SLC2A9: variants seen among roughly 807,000 people sequenced by gnomAD.
SLC2A9 encodes solute carrier family 2 member 9.
SLC2A9 carries 39 observed loss-of-function variants against 50.6 expected under a neutral mutation model. That is an observed-to-expected ratio of 0.77 (90% CI 0.60 to 1.01). The LOEUF (loss-of-function observed/expected upper bound fraction) is 1.01, where lower values mean the gene tolerates loss of function less well. Among genes scored for constraint, SLC2A9 ranks in the 50% least tolerant of loss-of-function variants. The pLI is 0.00. For synonymous variants in SLC2A9, 324 were observed against 276.9 expected, an observed-to-expected ratio of 1.17 and a Z score of -1.69; for missense variants, 686 against 677.6, an observed-to-expected ratio of 1.01 and a Z score of -0.14.
At position 9,986,023 on chromosome 4, in the gene SLC2A9, T is replaced by C. The variant is rs1203909360; in HGVS notation, c.411-230A>G. ...TCAGCCTTGACATCTATGAATTCTC[T>C]GTGGTAGTATTTTATTGCTTTAATT... On this transcript the variant is annotated intron_variant, in intron 3 of 11. Coordinates refer to ENST00000264784, the MANE Select transcript of SLC2A9 (RefSeq NM_020041.3). Among the ~76,000 whole-genome samples, 3 of 152,232 alleles carry C rather than the reference T, an allele frequency of 2.0e-5. No homozygotes were observed. The East Asian group carries it at 5.8e-4, about 29-fold the overall frequency.
rs75245885 is a variant in SLC2A9, at chr4:9,973,942, C to T, written c.681+6650G>A. Reference sequence around the variant, plus strand: ...AATCCTTTACAAATTACCAGCAAACCGAATCCAGTAGTATATCAAAAGTCA... The same window carrying T: ...AATCCTTTACAAATTACCAGCAAACTGAATCCAGTAGTATATCAAAAGTCA... On this transcript the variant is annotated intron_variant, in intron 5 of 11. Coordinates refer to ENST00000264784, the MANE Select transcript of SLC2A9 (RefSeq NM_020041.3). Among the ~76,000 whole-genome samples the T allele has an allele frequency of 9.5e-3, 1,443 of 151,788 alleles. 27 individuals carry two copies. The highest frequency in any genetic ancestry group is 0.034 in the African/African-American group (1,390 of 41,412).
chr4:9,942,022 A>T lies in SLC2A9; in HGVS notation c.705T>A (p.Phe235Leu). 1 of 1,614,160 alleles carries T rather than the reference A, an allele frequency of 6.2e-7. No individual in the cohort carries two copies. Among genetic ancestry groups the T allele is most frequent in the South Asian group, 1.1e-5 (1 of 91,082 alleles). The change falls in exon 6 of 12, where the codon TTT (phenylalanine) becomes TTA (leucine). Residue 235 changes from phenylalanine (F) to leucine (L), a missense_variant. By Grantham distance (22) the Phe-to-Leu change is conservative (BLOSUM62 0). Transcript: ENST00000264784. Reference sequence around the variant, plus strand: ...CAACGGCAGGGACCACAATCACTCCAAACAGGTATGGCCAGGTACTCTCCT... The same window carrying T: ...CAACGGCAGGGACCACAATCACTCCTAACAGGTATGGCCAGGTACTCTCCT... ...LGKESTWPYL[F>L]GVIVVPAVVQ...
intron 6 of SLC2A9, among the ~76,000 whole-genome samples, chr4:9,925,621 TAA>T (rs1174558353): frequency 6.6e-6 from 1 of 152,216 alleles, no homozygotes; most frequent in Non-Finnish European, 1.5e-5. Flanking sequence ...CAATGTGTGT[TAA>T]GTGTTGGCAC....
chr4:9,932,273 C>T (rs1286195296), intron 6 of SLC2A9, among the ~76,000 whole-genome samples: 1 of 151,928 alleles, frequency 6.6e-6, no homozygotes, highest in Non-Finnish European at 1.5e-5. Context: ...ACAGACTGTA[C>T]TCAGCCTTTG....
intron 7 of SLC2A9, among the ~76,000 whole-genome samples, chr4:9,912,966 A>C (rs937995008): frequency 6.6e-6 from 1 of 152,210 alleles, no homozygotes; most frequent in Non-Finnish European, 1.5e-5. Context: ...AGAGGAAGAA[A>C]TATTTGAAAA....
chr4:9,833,169 G>A (rs1234904940), intron 11 of SLC2A9, among the ~76,000 whole-genome samples: 2 of 152,202 alleles, frequency 1.3e-5, no homozygotes, highest in South Asian at 4.1e-4. Flanking sequence ...AAAGATACTT[G>A]TTATGTTCTG....
At chr4:9,910,373 A>C (rs1741493756) in intron 7 of SLC2A9, among the ~76,000 whole-genome samples, 1 of 152,200 alleles carries the variant, frequency 6.6e-6, no homozygotes, top group Admixed American at 6.5e-5. Context: ...TGAAAACTCT[A>C]TGTCCATTGA....
chr4:9,832,223 C>A (rs988514484), intron 11 of SLC2A9, among the ~76,000 whole-genome samples: 1 of 152,120 alleles, frequency 6.6e-6, no homozygotes, highest in East Asian at 1.9e-4. Flanking sequence ...CTCCCATGGG[C>A]GGGCGTGAGT....
In SLC2A9 at chr4:9,880,599, C is replaced by T. The variant is rs545543855; in HGVS notation, c.1291+6968G>A. Reference sequence around the variant, plus strand: ...GTGATTTTTGGTTAGCAAAGAACTTCAGGCAGATATGCAGATGAGTCCAAT... The same window carrying T: ...GTGATTTTTGGTTAGCAAAGAACTTTAGGCAGATATGCAGATGAGTCCAAT... On this transcript the variant is annotated intron_variant, in intron 10 of 11. Coordinates refer to ENST00000264784, the MANE Select transcript of SLC2A9 (RefSeq NM_020041.3). The T allele has an allele frequency of 5.1e-6, 5 of 983,552 alleles. No individual in the cohort carries two copies. In the African/African-American group the frequency reaches 8.7e-5, roughly 17 times the overall value. 60.9% of individuals were successfully genotyped at this position (983,552 alleles called of 1,614,324 possible). A position where few individuals can be genotyped will look rare whatever the true frequency, so the allele number is the denominator to read the frequency against.
At chr4:9,948,795 C>A (rs1359223253) in intron 5 of SLC2A9, among the ~76,000 whole-genome samples, 2 of 152,232 alleles carry the variant, frequency 1.3e-5, no homozygotes, top group Non-Finnish European at 1.5e-5. Context: ...AGGCACTGAT[C>A]TGAGCTCATT....
chr4:9,984,752 G>A (rs941709591), intron 4 of SLC2A9, among the ~76,000 whole-genome samples: 1 of 152,246 alleles, frequency 6.6e-6, no homozygotes, highest in Non-Finnish European at 1.5e-5. Context: ...ACCTAGCCCA[G>A]TCCCTTCCCC....
chr4:9,779,087 C>A (rs766467982), downstream of SLC2A9, among the ~76,000 whole-genome samples: 4 of 152,066 alleles, frequency 2.6e-5, no homozygotes, highest in African/African-American at 9.7e-5. Context: ...ACTTTCTAAA[C>A]GACTATTATT....
At chr4:9,918,620 C>T (rs1743338232) in intron 7 of SLC2A9, among the ~76,000 whole-genome samples, 1 of 152,176 alleles carries the variant, frequency 6.6e-6, no homozygotes, top group East Asian at 1.9e-4. Context: ...CACAGGGCAG[C>T]CATGGGGACA....
chr4:9,969,496 C>G (rs1753558036), intron 5 of SLC2A9, among the ~76,000 whole-genome samples: 1 of 152,162 alleles, frequency 6.6e-6, no homozygotes, highest in South Asian at 2.1e-4. Context: ...TTTCAAAAAA[C>G]TTTAAGATCA....
downstream of SLC2A9, among the ~76,000 whole-genome samples, chr4:9,777,190 C>G (rs950570055): frequency 6.6e-6 from 1 of 152,094 alleles, no homozygotes; most frequent in Non-Finnish European, 1.5e-5. Context: ...TTTCTGTCCC[C>G]GGGCCCTAGA....
intron 10 of SLC2A9, among the ~76,000 whole-genome samples, chr4:9,871,495 G>C (rs1400226754): frequency 1.3e-5 from 2 of 152,104 alleles, no homozygotes; most frequent in Admixed American, 6.5e-5. Flanking sequence ...GTGTTCCTTT[G>C]ATTCTAGATG....
chr4:9,801,781 C>G (rs1443062997), intron 3 of SLC2A9, among the ~76,000 whole-genome samples: 1 of 152,128 alleles, frequency 6.6e-6, no homozygotes, highest in African/African-American at 2.4e-5. Context: ...TCTAAGTTAT[C>G]TAAGTTGTAA....
chr4:9,815,998 C>T (rs1723538171), intron 3 of SLC2A9, among the ~76,000 whole-genome samples: 1 of 151,676 alleles, frequency 6.6e-6, no homozygotes, highest in Non-Finnish European at 1.5e-5. Flanking sequence ...GGTGAAACTC[C>T]ATCTCTACTA....
At chr4:10,016,088 G>A (rs181490784) in intron 2 of SLC2A9, among the ~76,000 whole-genome samples, 10 of 152,280 alleles carry the variant, frequency 6.6e-5, no homozygotes, top group Non-Finnish European at 1.3e-4. Context: ...CCGTGGTCTC[G>A]AGGTTCAAAG....
Sources: gnomAD v4.1 joint callset for allele counts (sites outside exome capture counted in the v4.1 genomes callset) on GRCh38, gnomAD v4.1.1 for gene constraint, MANE v1.5 for transcripts, NCBI Gene and HGNC (gene_info 2026-07-23, HGNC 2026-07-21) for gene names.